The following SYBU variants were observed in gnomAD, a reference collection of about 807,000 sequenced individuals.
The protein encoded by SYBU is GOLSYN A protein.
A neutral mutation model predicts 35.9 loss-of-function variants in SYBU; 21 were observed. That is an observed-to-expected ratio of 0.58 (90% CI 0.41 to 0.84). The LOEUF (loss-of-function observed/expected upper bound fraction) is 0.84, where lower values mean the gene tolerates loss of function less well. Ranked by LOEUF, SYBU falls within the 40% of genes least tolerant of loss-of-function variation. The pLI, the probability that SYBU is intolerant of heterozygous loss-of-function variation, is 0.00. For synonymous variants in SYBU, 319 were observed against 324.3 expected (o/e 0.98, Z 0.18); for missense variants, 768 against 848.2 (o/e 0.91, Z 1.17).
At chr8:109,613,803 T>C (rs1811451475) in intron 3 of SYBU, among the ~76,000 whole-genome samples, 1 of 152,254 alleles carries the variant, frequency 6.6e-6, no homozygotes, top group East Asian at 1.9e-4. Context: ...CAGTGTTGAT[T>C]AACCACTAAC....
intron 2 of SYBU, among the ~76,000 whole-genome samples, chr8:109,633,568 G>T (rs1813870224): frequency 6.6e-6 from 1 of 152,190 alleles, no homozygotes. Flanking sequence ...GTATCCAGCA[G>T]TGGCCGGGGC....
intron 1 of SYBU, among the ~76,000 whole-genome samples, chr8:109,678,434 C>CTTTTTTTTTTT (rs10717299): frequency 1.7e-5 from 1 of 58,360 alleles, no homozygotes; most frequent in Non-Finnish European, 3.2e-5. Context: ...TTCAAATAAC[C>CTTTTTTTTTTT]TTTTTTTTTT....
In SYBU at chr8:109,620,086, TTATTA is replaced by T. The variant is rs1319592199; in HGVS notation, c.230-1052_230-1048del. Among the ~76,000 whole-genome samples the T allele has an allele frequency of 3.9e-5, 6 of 152,296 alleles. No individual in the cohort carries two copies. In the South Asian group the frequency reaches 6.2e-4, roughly 16 times the overall value. ...TGACTCCTATAAATGCGTTCCACAT[TTATTA>T]AAGTACTTAGGATAGTTGGTTAATT... On this transcript the variant is annotated intron_variant, in intron 2 of 6. Transcript: ENST00000276646.
chr8:109,636,146 C>T (rs566983228), intron 2 of SYBU, among the ~76,000 whole-genome samples: 1 of 152,264 alleles, frequency 6.6e-6, no homozygotes, highest in East Asian at 1.9e-4. Flanking sequence ...GACCTGCCTG[C>T]CTTTCTGTCT....
intron 1 of SYBU, among the ~76,000 whole-genome samples, chr8:109,689,912 ACT>A (rs1223878473): frequency 6.7e-6 from 1 of 148,926 alleles, no homozygotes; most frequent in Non-Finnish European, 1.5e-5. Context: ...TTACTCACTT[ACT>A]CTCTGCAAGC....
At chr8:109,688,659 C>G (rs999100537) in intron 1 of SYBU, among the ~76,000 whole-genome samples, 2 of 150,800 alleles carry the variant, frequency 1.3e-5, no homozygotes, top group African/African-American at 2.4e-5. Context: ...TCTATCCTAT[C>G]CCGTCTATCA....
intron 3 of SYBU, among the ~76,000 whole-genome samples, chr8:109,610,602 T>C (rs1954714): frequency 0.33 from 50,725 of 152,146 alleles, 10,136 homozygotes; most frequent in African/African-American, 0.55. Context: ...TGGCTGCTCT[T>C]AGATACAGGC....
chr8:109,671,864 C>A (rs943758127), intron 1 of SYBU, among the ~76,000 whole-genome samples: 3 of 151,966 alleles, frequency 2.0e-5, no homozygotes, highest in African/African-American at 7.3e-5. Context: ...TTAGTGTAAA[C>A]CTTTTTGAAA....
At chr8:109,648,304 C>T (rs1815926800), upstream of SYBU, among the ~76,000 whole-genome samples, 1 of 142,716 alleles carries the variant, frequency 7.0e-6, no homozygotes, top group Admixed American at 6.9e-5. Context: ...TGGCAAAGCA[C>T]AGGAGAGATA....
intron 2 of SYBU, among the ~76,000 whole-genome samples, chr8:109,630,767 C>A (rs540478038): frequency 5.9e-5 from 9 of 152,202 alleles, no homozygotes; most frequent in African/African-American, 2.2e-4. Context: ...TTAAACATGA[C>A]CTTGGAGATA....
At chr8:109,666,097 G>A (rs1166242529) in intron 1 of SYBU, among the ~76,000 whole-genome samples, 4 of 152,124 alleles carry the variant, frequency 2.6e-5, no homozygotes, top group Non-Finnish European at 4.4e-5. Context: ...TGGACGCTGC[G>A]GAAAATTGCT....
intron 3 of SYBU, among the ~76,000 whole-genome samples, chr8:109,612,204 G>A (rs533771679): frequency 2.0e-5 from 3 of 152,224 alleles, no homozygotes; most frequent in African/African-American, 7.2e-5. Flanking sequence ...TTCTTGCATT[G>A]ATATTAGGAT....
In SYBU at chr8:109,643,013, A is replaced by G. The variant is rs545290415; in HGVS notation, c.25-81T>C. The G allele has an allele frequency of 2.1e-5, 31 of 1,451,764 alleles. No homozygotes were observed. The Admixed American group carries it at 4.8e-4, about 22-fold the overall frequency. The allele number at this position is 1,451,764 out of a possible 1,614,324, so 89.9% of individuals were successfully genotyped here. On this transcript the variant is annotated intron_variant, in intron 1 of 6. Coordinates refer to ENST00000276646, the MANE Select transcript of SYBU (RefSeq NM_001099754.2). ...CTCCTGTCGGTTCCTTCAAGGATCA[A>G]TTTCTAAGAAATCACATTTCTGAGT... is the stretch of plus-strand genomic sequence containing the variant.
intron 1 of SYBU, among the ~76,000 whole-genome samples, chr8:109,668,274 T>A (rs978818787): frequency 6.6e-6 from 1 of 150,446 alleles, no homozygotes; most frequent in Non-Finnish European, 1.5e-5. Flanking sequence ...AGATTTGCTG[T>A]CTCCTTGGTT....
intron 1 of SYBU, among the ~76,000 whole-genome samples, chr8:109,687,620 G>A (rs1817549798): frequency 6.6e-6 from 1 of 152,140 alleles, no homozygotes; most frequent in Admixed American, 6.5e-5. Context: ...TGGTTTCTGG[G>A]TGCTTAGAAA....
chr8:109,647,712 C>T (rs1815852194), upstream of SYBU: 2 of 152,226 alleles, frequency 1.3e-5, no homozygotes, highest in African/African-American at 4.8e-5. Flanking sequence ...ATAAAGCTGC[C>T]TCCACAATGT....
chr8:109,587,121 T>A (rs2129725162), intron 3 of SYBU, among the ~76,000 whole-genome samples: 1 of 152,314 alleles, frequency 6.6e-6, no homozygotes, highest in Middle Eastern at 3.4e-3. Flanking sequence ...TACAGTTTAA[T>A]TTGACCTTGT....
At chr8:109,681,597 T>G (rs947937732), upstream of SYBU, among the ~76,000 whole-genome samples, 1 of 152,198 alleles carries the variant, frequency 6.6e-6, no homozygotes, top group African/African-American at 2.4e-5. Context: ...TTTCTTTTCT[T>G]CTTTTTATAT....
At chr8:109,621,312 A>G (rs1812375735) in intron 2 of SYBU, among the ~76,000 whole-genome samples, 1 of 152,150 alleles carries the variant, frequency 6.6e-6, no homozygotes, top group Non-Finnish European at 1.5e-5. Context: ...AAATTTGAGA[A>G]CTGAAATTAT....
Sources: allele counts gnomAD v4.1 joint callset (sites outside exome capture counted in the v4.1 genomes callset), GRCh38; gene constraint gnomAD v4.1.1; transcripts MANE v1.5; gene names NCBI Gene and HGNC (gene_info 2026-07-23, HGNC 2026-07-21).